The following THSD4 variants were observed in gnomAD, a reference collection of about 807,000 sequenced individuals.
THSD4 encodes the protein thrombospondin type-1 domain-containing protein 4.
In THSD4, 69 loss-of-function variants were observed where a neutral mutation model predicts 119.0. The observed-to-expected ratio is 0.58, with a 90% CI of 0.48 to 0.71. THSD4 has a LOEUF of 0.71. THSD4 is among the 30% of genes least tolerant of loss of function. The pLI is 0.00. For missense variants in THSD4, 1,393 were observed against 1,391.1 expected (o/e 1.00, Z -0.02); for synonymous variants, 524 against 540.4 (o/e 0.97, Z 0.42).
intron 7 of THSD4, among the ~76,000 whole-genome samples, chr15:71,463,055 G>T (rs1329036342): frequency 6.6e-6 from 1 of 152,108 alleles, no homozygotes; most frequent in Non-Finnish European, 1.5e-5. Context: ...TTGTTGAAGG[G>T]AATTGTTGTC....
chr15:71,660,336 T>A (rs2051276959), intron 7 of THSD4, 194 bp from the exon 8 acceptor site: 1 of 619,224 alleles, frequency 1.6e-6, no homozygotes, highest in Admixed American at 2.9e-5. Flanking sequence ...TTTCTCCTGA[T>A]CATTTACCAC....
intron 4 of THSD4, among the ~76,000 whole-genome samples, chr15:71,229,829 T>C (rs1161117944): frequency 6.6e-6 from 1 of 152,196 alleles, no homozygotes; most frequent in Non-Finnish European, 1.5e-5. Flanking sequence ...GATTGATAAT[T>C]ATGCTTGCGA....
intron 2 of THSD4, among the ~76,000 whole-genome samples, chr15:71,141,764 C>G (rs545648327): frequency 2.6e-4 from 40 of 152,204 alleles, no homozygotes; most frequent in African/African-American, 9.2e-4. Context: ...GGCTTGGGGT[C>G]GAAGTCAATC....
At chr15:71,764,459 T>C (rs770760250) in intron 15 of THSD4, among the ~76,000 whole-genome samples, 6 of 152,236 alleles carry the variant, frequency 3.9e-5, no homozygotes, top group Admixed American at 6.5e-5. Context: ...AACAAGAAGA[T>C]TGGGCTCTGT....
chr15:71,643,959 G>C (rs2050917011), intron 7 of THSD4, among the ~76,000 whole-genome samples: 1 of 152,198 alleles, frequency 6.6e-6, no homozygotes, highest in South Asian at 2.1e-4. Flanking sequence ...GGCGTATACT[G>C]TGGTTGAGTA....
intron 7 of THSD4, among the ~76,000 whole-genome samples, chr15:71,555,954 A>C (rs1595882257): frequency 1.3e-5 from 2 of 152,094 alleles, no homozygotes; most frequent in African/African-American, 4.8e-5. Flanking sequence ...TTCAGTACCA[A>C]GTTTCCATAT....
chr15:71,341,343 T>G (rs780979784), intron 6 of THSD4: 3 of 1,608,572 alleles, frequency 1.9e-6, no homozygotes, highest in African/African-American at 2.7e-5. Context: ...CGGTGCATCT[T>G]AGGTGCTTTG....
chr15:71,573,994 C>T (rs1298160306), intron 7 of THSD4, among the ~76,000 whole-genome samples: 1 of 152,166 alleles, frequency 6.6e-6, no homozygotes, highest in Non-Finnish European at 1.5e-5. Flanking sequence ...GGAGTGAATG[C>T]CTGCAGTTCA....
chr15:71,405,284 A>G (rs946223813), intron 6 of THSD4, among the ~76,000 whole-genome samples: 1 of 152,226 alleles, frequency 6.6e-6, no homozygotes, highest in African/African-American at 2.4e-5. Flanking sequence ...ACATTTTTAT[A>G]TTAATGTAGG....
At chr15:71,184,997 T>C (rs1402029759) in intron 3 of THSD4, among the ~76,000 whole-genome samples, 5 of 151,944 alleles carry the variant, frequency 3.3e-5, no homozygotes, top group African/African-American at 1.2e-4. Context: ...GAGCTTCTGC[T>C]AACTGATAAG....
chr15:71,554,270 A>G (rs1156345185), intron 7 of THSD4, among the ~76,000 whole-genome samples: 1 of 142,336 alleles, frequency 7.0e-6, no homozygotes. Flanking sequence ...TTTTTTTTGT[A>G]TTTTTTTAGT....
chr15:71,747,364 A>G (rs1247916517), intron 13 of THSD4, among the ~76,000 whole-genome samples: 2 of 152,162 alleles, frequency 1.3e-5, no homozygotes, highest in Non-Finnish European at 2.9e-5. Context: ...AATTTTCCCT[A>G]CCCATTTTAT....
At chr15:71,594,469 C>G (rs1170151701) in intron 7 of THSD4, among the ~76,000 whole-genome samples, 1 of 152,136 alleles carries the variant, frequency 6.6e-6, no homozygotes, top group Non-Finnish European at 1.5e-5. Context: ...GGCCTCCCCT[C>G]TTAGTAGCTG....
intron 7 of THSD4, among the ~76,000 whole-genome samples, chr15:71,577,579 A>G (rs2049474107): frequency 6.6e-6 from 1 of 152,142 alleles, no homozygotes; most frequent in Non-Finnish European, 1.5e-5. Context: ...AGTACATACT[A>G]TGAAATTATG....
chr15:71,727,585 TATACACACACAC>T (rs2052882735), intron 8 of THSD4, among the ~76,000 whole-genome samples: 1 of 6,468 alleles, frequency 1.5e-4, no homozygotes, highest in African/African-American at 2.6e-4. Context: ...TATATATATA[TATACACACACAC>T]ACACACACAC....
Position 71,736,361 on chromosome 15 carries a change from T to C in THSD4, c.1631-1371T>C, listed in dbSNP as rs948282046. ...TCTCTGACTCTCTGTCTTGCTCTCT[T>C]GCTCTCTGTTTCTGTCTCTCTCGCA... is the stretch of plus-strand genomic sequence containing the variant. On this transcript the variant is annotated intron_variant, in intron 10 of 17. Transcript: ENST00000261862. Among the ~76,000 whole-genome samples the C allele has an allele frequency of 4.1e-5, 6 of 145,842 alleles. No homozygotes were observed. The East Asian group carries it at 6.3e-4, about 15-fold the overall frequency.
chr15:71,278,298 T>C (rs974948704), intron 6 of THSD4, among the ~76,000 whole-genome samples: 2 of 152,146 alleles, frequency 1.3e-5, no homozygotes, highest in African/African-American at 4.8e-5. Context: ...CTGGGGTCAG[T>C]GATCCTCACA....
At chr15:71,646,853 T>C (rs529637448) in intron 7 of THSD4, among the ~76,000 whole-genome samples, 33 of 152,300 alleles carry the variant, frequency 2.2e-4, no homozygotes, top group African/African-American at 7.7e-4. Flanking sequence ...GGCACTCCCT[T>C]CCACCTGGAA....
intron 5 of THSD4, among the ~76,000 whole-genome samples, chr15:71,251,096 T>TGAGTTTGTTC (rs1287565570): frequency 2.0e-5 from 3 of 152,176 alleles, no homozygotes; most frequent in Non-Finnish European, 4.4e-5. Context: ...TTTGTGAGGT[T>TGAGTTTGTTC]GAGTTTGTTC....
Sources: allele counts gnomAD v4.1 joint callset (sites outside exome capture counted in the v4.1 genomes callset), GRCh38; gene constraint gnomAD v4.1.1; transcripts MANE v1.5; gene names NCBI Gene and HGNC (gene_info 2026-07-23, HGNC 2026-07-21).